GPC5: variants seen among roughly 807,000 people sequenced by gnomAD.
GPC5 encodes glypican-5.
GPC5 carries 47 observed loss-of-function variants against 53.9 expected under a neutral mutation model. The ratio of observed to expected loss-of-function variants is 0.87; its 90% CI spans 0.69 to 1.11. The LOEUF is 1.11. Among genes scored for constraint, GPC5 ranks in the 50% most tolerant of loss-of-function variants. The pLI, the probability that GPC5 is intolerant of heterozygous loss-of-function variation, is 0.00. For synonymous variants in GPC5, 286 were observed against 263.3 expected (o/e 1.09, Z -0.84); for missense variants, 748 against 713.1 (o/e 1.05, Z -0.56).
At chr13:92,584,155 G>A (rs1394806875) in intron 7 of GPC5, among the ~76,000 whole-genome samples, 2 of 152,216 alleles carry the variant, frequency 1.3e-5, no homozygotes, top group African/African-American at 4.8e-5. Flanking sequence ...AGCAACTTTG[G>A]AACTGGATAA....
At chr13:91,824,468 C>A (rs1451287645) in intron 5 of GPC5, among the ~76,000 whole-genome samples, 1 of 151,998 alleles carries the variant, frequency 6.6e-6, no homozygotes, top group East Asian at 1.9e-4. Context: ...TGCAACATGG[C>A]AAAGTGAAAT....
At chr13:91,786,231 G>T (rs192421689) in intron 5 of GPC5, among the ~76,000 whole-genome samples, 1 of 152,080 alleles carries the variant, frequency 6.6e-6, no homozygotes, top group African/African-American at 2.4e-5. Flanking sequence ...TCCTGACCTC[G>T]CGATCCGCCT....
In GPC5 at chr13:92,283,023, G is replaced by A. The variant is rs377059034; in HGVS notation, c.1561+138034G>A. Among the ~76,000 whole-genome samples the A allele has an allele frequency of 9.3e-4, 142 of 152,258 alleles. 5 individuals are homozygous for A. In the South Asian group the frequency reaches 0.028, roughly 30 times the overall value. ...CATCTCACATGCAGAGACACACATA[G>A]GCTCAAAATAAAGGGATGGAGGAAG... On this transcript the variant is annotated intron_variant, in intron 7 of 7. Transcript: ENST00000377067.
chr13:92,046,673 A>G (rs1384269483), intron 6 of GPC5, among the ~76,000 whole-genome samples: 3 of 152,182 alleles, frequency 2.0e-5, no homozygotes, highest in Admixed American at 2.0e-4. Context: ...ACACAGTTCT[A>G]TATCTTATTA....
chr13:92,751,302 T>TAAAAAAAAAAAAAA lies in GPC5; in HGVS notation c.1562-114980_1562-114979insAAAAAAAAAAAAAA, dbSNP rs1566400471. Among the ~76,000 whole-genome samples, 299 of 34,394 alleles carry TAAAAAAAAAAAAAA rather than the reference T, an allele frequency of 8.7e-3. 56 individuals carry two copies. Among genetic ancestry groups the TAAAAAAAAAAAAAA allele is most frequent in the Middle Eastern group, 0.023 (1 of 44 alleles). The allele number at this position is 34,394 out of a possible 152,430, so 22.6% of individuals were successfully genotyped here. ...AAAACCTTTGGTCATCCAGAAACAT[T>TAAAAAAAAAAAAAA]TAAAAAAAAAAAAAAAAAAAAAAAA... On this transcript the variant is annotated intron_variant, in intron 7 of 7. Coordinates refer to ENST00000377067, the MANE Select transcript of GPC5 (RefSeq NM_004466.6).
At chr13:92,843,355 T>C (rs1878496812) in intron 7 of GPC5, among the ~76,000 whole-genome samples, 2 of 152,320 alleles carry the variant, frequency 1.3e-5, no homozygotes, top group East Asian at 1.9e-4. Flanking sequence ...ATTTATTAAA[T>C]TGAATTCAAT....
intron 2 of GPC5, among the ~76,000 whole-genome samples, chr13:91,494,175 C>T (rs918832454): frequency 6.6e-6 from 1 of 151,912 alleles, no homozygotes; most frequent in East Asian, 1.9e-4. Context: ...CAGGCATGAG[C>T]CACCGCGCCC....
intron 2 of GPC5, among the ~76,000 whole-genome samples, chr13:91,493,793 A>C (rs1884072937): frequency 6.6e-6 from 1 of 152,166 alleles, no homozygotes; most frequent in South Asian, 2.1e-4. Context: ...TTTTACATAG[A>C]GAATAAAAGC....
chr13:91,659,847 G>T (rs936757284), intron 2 of GPC5, among the ~76,000 whole-genome samples: 1 of 152,312 alleles, frequency 6.6e-6, no homozygotes, highest in African/African-American at 2.4e-5. Context: ...AGTTCTGAGA[G>T]AAGCTGTCAT....
At chr13:92,244,932 G>A (rs2042639303) in intron 7 of GPC5, among the ~76,000 whole-genome samples, 1 of 151,864 alleles carries the variant, frequency 6.6e-6, no homozygotes, top group Admixed American at 6.6e-5. Flanking sequence ...CAGCTACTTG[G>A]GAGGCTGAGG....
chr13:92,188,333 T>C (rs573103728), intron 7 of GPC5, among the ~76,000 whole-genome samples: 2 of 152,228 alleles, frequency 1.3e-5, no homozygotes, highest in Non-Finnish European at 2.9e-5. Context: ...TTTTAAGAAA[T>C]ACAATAGGAG....
At chr13:91,599,212 A>G (rs2033096631) in intron 2 of GPC5, among the ~76,000 whole-genome samples, 1 of 152,148 alleles carries the variant, frequency 6.6e-6, no homozygotes. Flanking sequence ...TTATCCTTGC[A>G]GAGATACTAA....
At chr13:91,924,602 G>T (rs1241127360) in intron 6 of GPC5, among the ~76,000 whole-genome samples, 1 of 151,840 alleles carries the variant, frequency 6.6e-6, no homozygotes, top group Non-Finnish European at 1.5e-5. Context: ...TTAGCTGGGC[G>T]TGGTGGTGGG....
chr13:92,399,544 A>G (rs1875460182), intron 7 of GPC5, among the ~76,000 whole-genome samples: 1 of 152,138 alleles, frequency 6.6e-6, no homozygotes, highest in East Asian at 1.9e-4. Context: ...ACAAACACAC[A>G]CACACAAACT....
chr13:92,085,933 C>T (rs1042591738), intron 6 of GPC5, among the ~76,000 whole-genome samples: 9 of 152,198 alleles, frequency 5.9e-5, no homozygotes, highest in South Asian at 4.1e-4. Context: ...CCACTCACCC[C>T]GTGCTTTGCA....
intron 7 of GPC5, among the ~76,000 whole-genome samples, chr13:92,653,618 C>T (rs1886031028): frequency 6.6e-6 from 1 of 152,136 alleles, no homozygotes; most frequent in Non-Finnish European, 1.5e-5. Context: ...TCAAGAATTT[C>T]ACAAGTTACA....
At chr13:91,441,447 G>T (rs1222934179) in intron 1 of GPC5, among the ~76,000 whole-genome samples, 2 of 152,158 alleles carry the variant, frequency 1.3e-5, no homozygotes, top group African/African-American at 4.8e-5. Context: ...TCTTTATATT[G>T]CAGGTGACTG....
intron 7 of GPC5, among the ~76,000 whole-genome samples, chr13:92,502,105 C>A (rs1294354906): frequency 6.6e-6 from 1 of 151,922 alleles, no homozygotes; most frequent in African/African-American, 2.4e-5. Flanking sequence ...GATTTATATG[C>A]TCTGGTTAAA....
chr13:92,250,928 A>G (rs1195765989), intron 7 of GPC5, among the ~76,000 whole-genome samples: 1 of 152,128 alleles, frequency 6.6e-6, no homozygotes, highest in Non-Finnish European at 1.5e-5. Flanking sequence ...TCTGTTCGGA[A>G]AAAATGGGCA....
Sources: gnomAD v4.1 joint callset for allele counts (sites outside exome capture counted in the v4.1 genomes callset) on GRCh38, gnomAD v4.1.1 for gene constraint, MANE v1.5 for transcripts, NCBI Gene and HGNC (gene_info 2026-07-23, HGNC 2026-07-21) for gene names.